Variants in THSD4 observed in about 807,000 individuals in gnomAD.
THSD4 encodes the protein thrombospondin type 1 domain containing 4.
THSD4 carries 69 observed loss-of-function variants against 119.0 expected under a neutral mutation model. The ratio of observed to expected loss-of-function variants is 0.58; its 90% confidence interval spans 0.48 to 0.71. The LOEUF is 0.71. Ranked by LOEUF, THSD4 falls within the 30% of genes least tolerant of loss-of-function variation. The pLI is 0.00. For missense variants in THSD4, 1,393 were observed against 1,391.1 expected, an observed-to-expected ratio of 1.00 and a Z score of -0.02; for synonymous variants, 524 against 540.4, an observed-to-expected ratio of 0.97 and a Z score of 0.42.
intron 6 of THSD4, among the ~76,000 whole-genome samples, chr15:71,358,140 G>A (rs1376325102): frequency 6.6e-6 from 1 of 152,160 alleles, no homozygotes; most frequent in African/African-American, 2.4e-5. Flanking sequence ...CCCTTCTCTG[G>A]GCTTTGAAGG....
intron 3 of THSD4, among the ~76,000 whole-genome samples, chr15:71,207,445 C>T (rs1182632813): frequency 1.3e-5 from 2 of 152,262 alleles, no homozygotes; most frequent in Non-Finnish European, 2.9e-5. Context: ...TGCTTTCTGT[C>T]CTCCAAGTCC....
Position 71,215,067 on chromosome 15 carries a change from C to T in THSD4, c.132C>T (p.Pro44=). 2.3e-6 allele frequency: 3 copies of T among 1,298,852 alleles called. No homozygotes were observed. The highest frequency in any genetic ancestry group is 2.6e-5 in the South Asian group (1 of 39,214). The allele number at this position is 1,298,852 out of a possible 1,614,324, so 80.5% of individuals were successfully genotyped here. A position where few individuals can be genotyped will look rare whatever the true frequency, so the allele number is the denominator to read the frequency against. Residue 44 remains proline, a synonymous_variant, in exon 4 of 18, where the codon CCC becomes CCT. Coordinates refer to ENST00000261862, the MANE Select transcript of THSD4 (RefSeq NM_024817.3). ...AGCGGATGGCGGCGGAGGGCGCCCC[C>T]GAGGACGACGGCGGCGGCGGCGCCC... is the stretch of plus-strand genomic sequence containing the variant. ...VPQRMAAEGA[P]EDDGGGGAPG...
intron 6 of THSD4, among the ~76,000 whole-genome samples, chr15:71,299,309 G>A (rs1027666349): frequency 2.8e-4 from 42 of 152,280 alleles, no homozygotes; most frequent in African/African-American, 9.9e-4. Context: ...TAGGAGAAAG[G>A]GGAGAAAGGA....
In THSD4 at chr15:71,653,142, G is replaced by A. The variant is rs1875414; in HGVS notation, c.1153-7388G>A. Among the ~76,000 whole-genome samples the A allele has an allele frequency of 2.8e-4, 42 of 152,130 alleles. No homozygotes were observed. In the East Asian group the frequency reaches 7.2e-3, roughly 26 times the overall value. ...ACGCTTATTAAACACCTACCAAGTC[G>A]CAGGTACTGTGCTCTTTGCAATACA... On this transcript the variant is annotated intron_variant, in intron 7 of 17. Transcript: ENST00000261862.
intron 7 of THSD4, among the ~76,000 whole-genome samples, chr15:71,447,652 G>T (rs987965226): frequency 2.6e-5 from 4 of 152,164 alleles, no homozygotes; most frequent in African/African-American, 9.7e-5. Context: ...AATATTTGTT[G>T]AATATAAAAA....
At chr15:71,307,104 G>T (rs2045040784) in intron 6 of THSD4, among the ~76,000 whole-genome samples, 1 of 152,062 alleles carries the variant, frequency 6.6e-6, no homozygotes, top group Non-Finnish European at 1.5e-5. Context: ...TTGTTCTTGG[G>T]GATTCTTCGG....
intron 7 of THSD4, among the ~76,000 whole-genome samples, chr15:71,597,791 T>G (rs915214493): frequency 6.6e-6 from 1 of 152,090 alleles, no homozygotes; most frequent in African/African-American, 2.4e-5. Flanking sequence ...GCAGATCCCT[T>G]CTCGTCCCCA....
At chr15:71,478,292 TTTC>T (rs1161590886) in intron 7 of THSD4, among the ~76,000 whole-genome samples, 1 of 152,212 alleles carries the variant, frequency 6.6e-6, no homozygotes, top group Non-Finnish European at 1.5e-5. Context: ...CATTCCTGAC[TTTC>T]TTGTGTCTTC....
intron 11 of THSD4, among the ~76,000 whole-genome samples, chr15:71,743,170 A>G (rs1377995278): frequency 6.6e-6 from 1 of 152,114 alleles, no homozygotes; most frequent in Non-Finnish European, 1.5e-5. Context: ...AAACGCCGTA[A>G]AATGTCAAGG....
At position 71,696,854 on chromosome 15, in the gene THSD4, G is replaced by C. The variant is rs562413175; in HGVS notation, c.1358-31695G>C. Among the ~76,000 whole-genome samples the C allele has an allele frequency of 3.3e-5, 5 of 152,274 alleles. No individual in the cohort carries two copies. The East Asian group carries it at 9.7e-4, about 29-fold the overall frequency. On this transcript the variant is annotated intron_variant, in intron 8 of 17. Coordinates refer to ENST00000261862, the MANE Select transcript of THSD4 (RefSeq NM_024817.3). Reference sequence around the variant, plus strand: ...GATCTATAAGGAAGAGTGAAGGAGAGAACTAGTATAGAGGCCTATAGGTGA... The same window carrying C: ...GATCTATAAGGAAGAGTGAAGGAGACAACTAGTATAGAGGCCTATAGGTGA...
At chr15:71,376,702 G>T (rs1255363739) in intron 6 of THSD4, among the ~76,000 whole-genome samples, 1 of 152,140 alleles carries the variant, frequency 6.6e-6, no homozygotes, top group African/African-American at 2.4e-5. Flanking sequence ...CCAAGAAAGG[G>T]ATCCCAGGTG....
At chr15:71,524,590 T>TC (rs1465042802) in intron 7 of THSD4, among the ~76,000 whole-genome samples, 1 of 62,262 alleles carries the variant, frequency 1.6e-5, no homozygotes, top group Non-Finnish European at 3.1e-5. Flanking sequence ...TATGCCTCTT[T>TC]TTTTTTTTTT....
chr15:71,693,597 C>T (rs1401071044), intron 8 of THSD4, among the ~76,000 whole-genome samples: 2 of 152,116 alleles, frequency 1.3e-5, no homozygotes, highest in Non-Finnish European at 2.9e-5. Context: ...GCCATGATCT[C>T]ACCACTTGAT....
At chr15:71,243,643 T>C (rs1265999136) in intron 5 of THSD4, among the ~76,000 whole-genome samples, 1 of 152,184 alleles carries the variant, frequency 6.6e-6, no homozygotes. Flanking sequence ...AGGACCTGTA[T>C]AGCTGTACTC....
At chr15:71,126,191 T>C (rs1419208372) in intron 1 of THSD4, among the ~76,000 whole-genome samples, 2 of 152,124 alleles carry the variant, frequency 1.3e-5, no homozygotes, top group East Asian at 3.9e-4. Flanking sequence ...TAGTGGACAG[T>C]CAGGGCTCTT....
chr15:71,776,950 A>G (rs987423260), intron 17 of THSD4, among the ~76,000 whole-genome samples: 1 of 152,212 alleles, frequency 6.6e-6, no homozygotes, highest in Non-Finnish European at 1.5e-5. Context: ...AGAAACGCCA[A>G]ATTTGGAACT....
chr15:71,649,341 T>C (rs1341866336), intron 7 of THSD4, among the ~76,000 whole-genome samples: 1 of 152,192 alleles, frequency 6.6e-6, no homozygotes, highest in African/African-American at 2.4e-5. Flanking sequence ...TGGTGTGATC[T>C]CAACTCACTG....
intron 8 of THSD4, among the ~76,000 whole-genome samples, chr15:71,716,069 T>G (rs1337136512): frequency 1.3e-5 from 2 of 152,206 alleles, no homozygotes; most frequent in African/African-American, 2.4e-5. Context: ...GGTTCCTTCC[T>G]GAGGGCTTAG....
intron 7 of THSD4, among the ~76,000 whole-genome samples, chr15:71,491,779 G>T (rs140822595): frequency 0.042 from 6,407 of 152,254 alleles, 221 homozygotes; most frequent in African/African-American, 0.099. Context: ...TGAGGTGGGA[G>T]GATTGCTTAG....
Sources: allele counts gnomAD v4.1 joint callset (sites outside exome capture counted in the v4.1 genomes callset), GRCh38; gene constraint gnomAD v4.1.1; transcripts MANE v1.5; gene names NCBI Gene and HGNC (gene_info 2026-07-23, HGNC 2026-07-21).